The following AK3 variants were observed in gnomAD, a reference collection of about 807,000 sequenced individuals.
The protein encoded by AK3 is adenylate kinase 3.
AK3 carries 27 observed loss-of-function variants against 23.7 expected under a neutral mutation model. The observed-to-expected ratio is 1.14, with a 90% CI of 0.84 to 1.57. The LOEUF (loss-of-function observed/expected upper bound fraction) is 1.57, where lower values mean the gene tolerates loss of function less well. Ranked by LOEUF, AK3 falls within the 40% of genes most tolerant of loss-of-function variation. The pLI, the probability that AK3 is intolerant of heterozygous loss-of-function variation, is 0.00. For synonymous variants in AK3, 159 were observed against 116.0 expected (o/e 1.37, Z -2.38); for missense variants, 406 against 285.6 (o/e 1.42, Z -3.04).
chr9:4,736,976 C>G (rs2130914590), intron 1 of AK3, among the ~76,000 whole-genome samples: 1 of 152,174 alleles, frequency 6.6e-6, no homozygotes, highest in East Asian at 1.9e-4. Flanking sequence ...CCACACCTAG[C>G]CAGGGTTATG....
At chr9:4,740,421 G>T (rs1272716416) in intron 1 of AK3, among the ~76,000 whole-genome samples, 1 of 151,962 alleles carries the variant, frequency 6.6e-6, no homozygotes, top group Non-Finnish European at 1.5e-5. Context: ...CTGCAACAAG[G>T]GTAAATAATA....
At chr9:4,722,160 G>C (rs777507172) in intron 2 of AK3, among the ~76,000 whole-genome samples, 1 of 152,150 alleles carries the variant, frequency 6.6e-6, no homozygotes, top group Non-Finnish European at 1.5e-5. Flanking sequence ...TACCCTCAAG[G>C]ATTCGGCCAT....
chr9:4,733,418 G>C (rs1415161454), intron 1 of AK3, among the ~76,000 whole-genome samples: 1 of 152,162 alleles, frequency 6.6e-6, no homozygotes, highest in African/African-American at 2.4e-5. Context: ...TGCATGGAAG[G>C]GGAACGGGAG....
At chr9:4,734,447 C>T (rs535104131) in intron 1 of AK3, among the ~76,000 whole-genome samples, 1 of 152,314 alleles carries the variant, frequency 6.6e-6, no homozygotes, top group South Asian at 2.1e-4. Context: ...TCTGTGTCTC[C>T]ACTACCTAGC....
chr9:4,728,880 C>CACAT (rs1554627006), intron 1 of AK3, among the ~76,000 whole-genome samples: 2 of 97,612 alleles, frequency 2.0e-5, no homozygotes, highest in African/African-American at 5.9e-5. Context: ...CACACACACA[C>CACAT]ACATACATAT....
chr9:4,717,873 C>T (rs182153053), intron 4 of AK3, among the ~76,000 whole-genome samples: 24 of 152,274 alleles, frequency 1.6e-4, no homozygotes, highest in Admixed American at 9.2e-4. Flanking sequence ...TTGTAAATTG[C>T]GGAACATCTG....
chr9:4,720,789 T>G (rs977242061), intron 2 of AK3, among the ~76,000 whole-genome samples: 1 of 152,062 alleles, frequency 6.6e-6, no homozygotes, highest in Non-Finnish European at 1.5e-5. Context: ...CAATGAAATG[T>G]GGAAAAATTT....
intron 1 of AK3, among the ~76,000 whole-genome samples, chr9:4,723,893 G>C (rs1841961455): frequency 1.3e-5 from 2 of 152,140 alleles, no homozygotes; most frequent in Non-Finnish European, 2.9e-5. Context: ...CCAGATGTCA[G>C]ATTAAAGGGT....
chr9:4,726,431 G>C (rs966246572), intron 1 of AK3, among the ~76,000 whole-genome samples: 1 of 152,054 alleles, frequency 6.6e-6, no homozygotes, highest in African/African-American at 2.4e-5. Flanking sequence ...TAAATCCCTC[G>C]TTGCCAGTTG....
chr9:4,722,154 C>G (rs1194378773), intron 2 of AK3, among the ~76,000 whole-genome samples: 1 of 152,190 alleles, frequency 6.6e-6, no homozygotes, highest in African/African-American at 2.4e-5. Context: ...TCAACCTACC[C>G]TCAAGGATTC....
intron 1 of AK3, among the ~76,000 whole-genome samples, chr9:4,731,150 AT>A (rs1842143875): frequency 1.3e-5 from 2 of 152,296 alleles, no homozygotes; most frequent in South Asian, 4.1e-4. Context: ...TCAGGGATAT[AT>A]GTGCAGGTTT....
chr9:4,720,148 C>G (rs1032122964), intron 2 of AK3, among the ~76,000 whole-genome samples: 2 of 151,990 alleles, frequency 1.3e-5, no homozygotes, highest in Non-Finnish European at 2.9e-5. Context: ...ACTATTAATG[C>G]AAAAGGATAA....
At chr9:4,727,473 A>G (rs1842045975) in intron 1 of AK3, among the ~76,000 whole-genome samples, 3 of 152,018 alleles carry the variant, frequency 2.0e-5, no homozygotes, top group African/African-American at 7.3e-5. Context: ...TCATGAACCA[A>G]CCTCTGCTAG....
rs997764202 is a variant in AK3 at position 4,710,915 on chromosome 9, A to G, written c.*2061T>C. The G allele has an allele frequency of 1.3e-5, 2 of 152,176 alleles. No homozygotes were observed. The highest frequency in any genetic ancestry group is 2.9e-5 in the Non-Finnish European group (2 of 68,040). The allele number at this position is 152,176 out of a possible 1,614,324, so 9.4% of individuals were successfully genotyped here. A position where few individuals can be genotyped will look rare whatever the true frequency, so the allele number is the denominator to read the frequency against. On this transcript the variant is annotated 3_prime_UTR_variant, in exon 5 of 5. Coordinates refer to ENST00000381809, the MANE Select transcript of AK3 (RefSeq NM_016282.4). ...AGAGTGAGGCCCTGTCTAAAAAAAA[A>G]TAAAGAAAAAAGTTGTATTACAGTC...
intron 1 of AK3, among the ~76,000 whole-genome samples, chr9:4,730,623 GA>G (rs1463676107): frequency 6.6e-6 from 1 of 151,984 alleles, no homozygotes; most frequent in East Asian, 1.9e-4. Flanking sequence ...AAAACAAAAC[GA>G]AAACCAGGTA....
At position 4,715,258 on chromosome 9, in the gene AK3, A is replaced by G. The variant is rs115434073; in HGVS notation, c.564-2162T>C. ...AAAAGAAAGAAGGAAAGAAAAAGAAAAGAAAAGCTTGAATTAACAGCAAAA... is the reference window on the plus strand; with the variant it reads ...AAAAGAAAGAAGGAAAGAAAAAGAAGAGAAAAGCTTGAATTAACAGCAAAA... On this transcript the variant is annotated intron_variant, in intron 4 of 4. Coordinates refer to ENST00000381809, the MANE Select transcript of AK3 (RefSeq NM_016282.4). Among the ~76,000 whole-genome samples the G allele has an allele frequency of 8.8e-3, 1,336 of 151,628 alleles. 20 individuals carry two copies. Among genetic ancestry groups the G allele is most frequent in the African/African-American group, 0.031 (1,281 of 41,366 alleles).
In AK3 at chr9:4,740,964, G is replaced by C. The variant is rs770840297; in HGVS notation, c.124C>G (p.Leu42Val). ...ELKHLSSGDL[L>V]RDNMLRGTEI... Reference sequence around the variant, plus strand: ...GTGCCCCGCAGCATGTTGTCCCGGAGCAGGTCCCCGCTGGAGAGGTGCTTC... The same window carrying C: ...GTGCCCCGCAGCATGTTGTCCCGGACCAGGTCCCCGCTGGAGAGGTGCTTC... Residue 42 changes from leucine to valine, a missense_variant, in exon 1 of 5, where the codon CTC (leucine) becomes GTC (valine). Physicochemically the swap from Leu to Val is conservative, Grantham distance 32. Transcript: ENST00000381809. 1.9e-6 allele frequency: 3 copies of C among 1,583,314 alleles called. No homozygotes were observed. The African/African-American group carries it at 4.2e-5, about 22-fold the overall frequency.
chr9:4,729,873 G>A (rs1440383161), intron 1 of AK3, among the ~76,000 whole-genome samples: 1 of 150,362 alleles, frequency 6.7e-6, no homozygotes, highest in Non-Finnish European at 1.5e-5. Flanking sequence ...ACAAAAACTT[G>A]TAAATGAATG....
intron 1 of AK3, among the ~76,000 whole-genome samples, chr9:4,735,385 AT>A (rs1271643354): frequency 8.7e-4 from 113 of 129,500 alleles, no homozygotes; most frequent in Admixed American, 1.4e-3. Flanking sequence ...ATATATACAT[AT>A]ATAAATATAT....
Sources: allele counts gnomAD v4.1 joint callset (sites outside exome capture counted in the v4.1 genomes callset), GRCh38; gene constraint gnomAD v4.1.1; transcripts MANE v1.5; gene names NCBI Gene and HGNC (gene_info 2026-07-23, HGNC 2026-07-21).